Variants in CDC25B observed in about 807,000 individuals in gnomAD.
CDC25B encodes the protein M-phase inducer phosphatase 2.
CDC25B carries 33 observed loss-of-function variants against 69.8 expected under a neutral mutation model. The ratio of observed to expected loss-of-function variants is 0.47; its 90% CI spans 0.36 to 0.63. The LOEUF is 0.63. Ranked by LOEUF, CDC25B falls within the 30% of genes least tolerant of loss-of-function variation. The probability of loss-of-function intolerance (pLI) is 0.00; values close to 1 mark genes in which losing one functional copy is unlikely to be tolerated. For missense variants in CDC25B, 727 were observed against 809.1 expected (o/e 0.90, Z 1.23); for synonymous variants, 341 against 314.6 (o/e 1.08, Z -0.89).
upstream of CDC25B, among the ~76,000 whole-genome samples, chr20:3,794,655 C>T (rs2088979227): frequency 6.6e-6 from 1 of 152,078 alleles, no homozygotes; most frequent in South Asian, 2.1e-4. Flanking sequence ...GGAGGATGAA[C>T]CGGAAATTCA....
intron 2 of CDC25B, 63 bp downstream of exon 2, chr20:3,797,812 G>A: frequency 6.3e-7 from 1 of 1,592,018 alleles, no homozygotes; most frequent in South Asian, 1.1e-5. Flanking sequence ...GGGCTGCCTG[G>A]GCCTCCCAAT....
At chr20:3,799,484 C>CTCTG (rs2089185529) in intron 3 of CDC25B, among the ~76,000 whole-genome samples, 1 of 131,608 alleles carries the variant, frequency 7.6e-6, no homozygotes, top group Non-Finnish European at 1.6e-5. Flanking sequence ...TTCTCAGAAG[C>CTCTG]TGTGTGTGTG....
At chr20:3,791,390 A>G (rs1440063928), upstream of CDC25B, among the ~76,000 whole-genome samples, 1 of 152,138 alleles carries the variant, frequency 6.6e-6, no homozygotes. Flanking sequence ...GGAGATTTCA[A>G]TACTTAATGC....
chr20:3,789,924 G>C (rs1219593035), intron 1 of CDC25B, among the ~76,000 whole-genome samples: 1 of 151,918 alleles, frequency 6.6e-6, no homozygotes, highest in African/African-American at 2.4e-5. Flanking sequence ...GGGAGGTGGA[G>C]CTTGCAGTGA....
At chr20:3,801,496 G>C (rs2089282930) in intron 8 of CDC25B, 108 bp downstream of exon 8, 2 of 1,372,554 alleles carry the variant, frequency 1.5e-6, no homozygotes, top group East Asian at 4.7e-5. Flanking sequence ...TCCAGTGTCA[G>C]AAGAAGAATC....
At chr20:3,796,914 G>T (rs1018262547) in intron 1 of CDC25B, among the ~76,000 whole-genome samples, 183 bp downstream of exon 1, 25 of 152,066 alleles carry the variant, frequency 1.6e-4, no homozygotes, top group African/African-American at 5.8e-4. Context: ...TGAGACCTGG[G>T]CTGTGCCCCC....
chr20:3,796,876 C>G, intron 1 of CDC25B, 145 bp downstream of exon 1: 3 of 1,083,552 alleles, frequency 2.8e-6, no homozygotes, highest in South Asian at 1.9e-5. Flanking sequence ...CGCCCTTGTT[C>G]CCTCCTAGGG....
intron 2 of CDC25B, 104 bp downstream of exon 2, chr20:3,797,853 A>T (rs2089120684): frequency 7.0e-7 from 1 of 1,420,368 alleles, no homozygotes; most frequent in South Asian, 1.2e-5. Context: ...CATCCTCCCC[A>T]CAACCTGGTG....
Position 3,800,288 on chromosome 20 carries a change from G to A in CDC25B, c.381G>A (p.Thr127=), listed in dbSNP as rs150375046. 178 of 1,614,060 alleles carry A rather than the reference G, an allele frequency of 1.1e-4. No individual in the cohort carries two copies. In the African/African-American group the frequency reaches 2.3e-3, roughly 20 times the overall value. ...SPMDPHMAEQ[T]FEQAIQAASR... ...TGCATGGGACCCTTCTCTGTCCTAG[G>A]TTTGAACAGGCCATCCAGGCAGCCA... The change falls in exon 4 of 16, where the codon ACG becomes ACA. Residue 127 remains threonine, a splice_region_variant and synonymous_variant. Coordinates refer to ENST00000245960, the MANE Select transcript of CDC25B (RefSeq NM_021873.4).
Position 3,805,076 on chromosome 20 carries a change from G to T in CDC25B, c.*115G>T. On this transcript the variant is annotated 3_prime_UTR_variant, in exon 16 of 16. Coordinates refer to ENST00000245960, the MANE Select transcript of CDC25B (RefSeq NM_021873.4). ...GGCCTCAGGTGCTGTCCATGGGAAAGATGGTGTGGGTGTCCTGCCTGTCTG... is the reference window on the plus strand; with the variant it reads ...GGCCTCAGGTGCTGTCCATGGGAAATATGGTGTGGGTGTCCTGCCTGTCTG... The T allele has an allele frequency of 9.2e-7, 1 of 1,084,310 alleles. No individual in the cohort carries two copies. 67.2% of individuals were successfully genotyped at this position (1,084,310 alleles called of 1,614,324 possible). A position where few individuals can be genotyped will look rare whatever the true frequency, so the allele number is the denominator to read the frequency against.
At chr20:3,797,532 T>C in intron 1 of CDC25B, 90 bp from the exon 2 acceptor site, 2 of 1,509,554 alleles carry the variant, frequency 1.3e-6, no homozygotes, top group Non-Finnish European at 1.8e-6. Flanking sequence ...CTCAGTTCTT[T>C]TCTCAGCAAG....
In CDC25B at chr20:3,804,662, G is replaced by T. The variant is rs1175897100; in HGVS notation, c.1584G>T (p.Glu528Asp). 6.3e-7 allele frequency: 1 copy of T among 1,581,056 alleles called. No individual in the cohort carries two copies. Among genetic ancestry groups the T allele is most frequent in the African/African-American group, 1.4e-5 (1 of 72,984 alleles). Residue 528 changes from glutamate to aspartate, a missense_variant, in exon 15 of 16, where the codon GAG (glutamate) becomes GAT (aspartate). Around this residue, in one of 2 missense-constraint regions of CDC25B, gnomAD observed 359 missense variants for 463.4 expected, o/e 0.77. Coordinates refer to ENST00000245960, the MANE Select transcript of CDC25B (RefSeq NM_021873.4). ...ATATCCTGAAAGGCGGCTACAAGGA[G>T]TTCTTCCCTCAGCACCCGGTAGCGT... ...EMYILKGGYK[E>D]FFPQHPNFCE...
chr20:3,797,844 A>G, intron 2 of CDC25B, 95 bp downstream of exon 2: 1 of 1,456,294 alleles, frequency 6.9e-7, no homozygotes, highest in Non-Finnish European at 9.4e-7. Context: ...TCAAACTAAC[A>G]TCCTCCCCAC....
chr20:3,788,664 A>G (rs1321082130), intron 1 of CDC25B, among the ~76,000 whole-genome samples: 1 of 152,196 alleles, frequency 6.6e-6, no homozygotes, highest in Non-Finnish European at 1.5e-5. Context: ...TCACTGGGCA[A>G]AAATGAATCT....
At chr20:3,789,431 C>G (rs764598045) in intron 1 of CDC25B, among the ~76,000 whole-genome samples, 1 of 152,006 alleles carries the variant, frequency 6.6e-6, no homozygotes, top group Non-Finnish European at 1.5e-5. Context: ...AGTGCAGTGG[C>G]GTGATCTCAG....
At chr20:3,793,621 T>A (rs199857069), upstream of CDC25B, among the ~76,000 whole-genome samples, 1 of 151,260 alleles carries the variant, frequency 6.6e-6, no homozygotes, top group African/African-American at 2.4e-5. Flanking sequence ...TATTATACTT[T>A]AAGTTTTAGG....
At chr20:3,799,524 G>GCA (rs2089193767) in intron 3 of CDC25B, among the ~76,000 whole-genome samples, 1 of 43,484 alleles carries the variant, frequency 2.3e-5, no homozygotes, top group Non-Finnish European at 4.8e-5. Context: ...GTGTGTGTGT[G>GCA]TGCGCGCGCG....
At chr20:3,799,519 T>TGTGTGTGTGTGCGC (rs1555774228) in intron 3 of CDC25B, among the ~76,000 whole-genome samples, 1 of 49,814 alleles carries the variant, frequency 2.0e-5, no homozygotes, top group Non-Finnish European at 4.0e-5. Context: ...TGTGTGTGTG[T>TGTGTGTGTGTGCGC]GTGTGTGCGC....
chr20:3,793,360 G>A (rs151132251), upstream of CDC25B, among the ~76,000 whole-genome samples: 2,940 of 146,190 alleles, frequency 0.02, 57 homozygotes, highest in Middle Eastern at 0.059. Context: ...GAGAGGCTGA[G>A]GCAGGAAAAT....
Sources: allele counts gnomAD v4.1 joint callset (sites outside exome capture counted in the v4.1 genomes callset), GRCh38; gene constraint gnomAD v4.1.1; regional missense constraint gnomAD v4.1.1; transcripts MANE v1.5; gene names NCBI Gene and HGNC (gene_info 2026-07-23, HGNC 2026-07-21).